Variants in RBM33 observed in about 807,000 individuals in gnomAD.
The protein encoded by RBM33 is RNA binding motif protein 33.
In RBM33, 28 loss-of-function variants were observed where a neutral mutation model predicts 132.6. That is an observed-to-expected ratio of 0.21 (90% CI 0.16 to 0.29). The LOEUF is 0.29. Ranked by LOEUF, RBM33 falls within the 10% of genes least tolerant of loss-of-function variation. The pLI is 1.00. For synonymous variants in RBM33, 634 were observed against 593.0 expected, an observed-to-expected ratio of 1.07 and a Z score of -1.01; for missense variants, 1,291 against 1,518.5, an observed-to-expected ratio of 0.85 and a Z score of 2.49.
At chr7:155,665,550 G>A (rs1419438173) in intron 2 of RBM33, among the ~76,000 whole-genome samples, 1 of 152,252 alleles carries the variant, frequency 6.6e-6, no homozygotes, top group Non-Finnish European at 1.5e-5. Flanking sequence ...CATTACTGGA[G>A]TGGCCTTGTG....
At chr7:155,702,315 T>C (rs1009326772) in intron 6 of RBM33, among the ~76,000 whole-genome samples, 1 of 152,236 alleles carries the variant, frequency 6.6e-6, no homozygotes, top group African/African-American at 2.4e-5. Context: ...CTTAATTTAC[T>C]AGGCAAGATT....
At chr7:155,667,352 A>G (rs1798827080) in intron 2 of RBM33, among the ~76,000 whole-genome samples, 1 of 151,980 alleles carries the variant, frequency 6.6e-6, no homozygotes, top group Non-Finnish European at 1.5e-5. Flanking sequence ...GGCTCAAGTG[A>G]TGCTCCTGCC....
At chr7:155,650,574 A>G (rs1490537187) in intron 1 of RBM33, among the ~76,000 whole-genome samples, 1 of 152,076 alleles carries the variant, frequency 6.6e-6, no homozygotes, top group Non-Finnish European at 1.5e-5. Flanking sequence ...TTGTGTGTAC[A>G]TTTGTGCTAT....
intron 5 of RBM33, among the ~76,000 whole-genome samples, chr7:155,696,256 G>A (rs1415453753): frequency 2.0e-5 from 3 of 152,146 alleles, no homozygotes; most frequent in Admixed American, 1.3e-4. Flanking sequence ...ATTGTGGAAC[G>A]GACTTGTGAA....
chr7:155,662,830 G>T (rs982343411), intron 1 of RBM33, among the ~76,000 whole-genome samples: 4 of 152,138 alleles, frequency 2.6e-5, no homozygotes, highest in Non-Finnish European at 5.9e-5. Context: ...TGGAAAATGC[G>T]GACGAGGTCC....
chr7:155,645,137 ACTT>A (rs796835657), intron 1 of RBM33: 120 of 458,568 alleles, frequency 2.6e-4, no homozygotes, highest in African/African-American at 2.3e-3. Flanking sequence ...TTACCTGTGA[ACTT>A]CTGTGTGTCC....
chr7:155,712,302 A>G (rs1245896967), intron 8 of RBM33, among the ~76,000 whole-genome samples: 1 of 152,226 alleles, frequency 6.6e-6, no homozygotes, highest in African/African-American at 2.4e-5. Context: ...AAGCTAGGAA[A>G]CGGTTTTTGA....
intron 8 of RBM33, among the ~76,000 whole-genome samples, chr7:155,714,838 C>A (rs4716547): frequency 0.037 from 5,689 of 152,214 alleles, 341 homozygotes; most frequent in African/African-American, 0.13. Context: ...TCCTGGGACC[C>A]TCCCATACGT....
chr7:155,720,294 TAC>T (rs1171333201), intron 9 of RBM33, among the ~76,000 whole-genome samples: 4 of 152,242 alleles, frequency 2.6e-5, no homozygotes, highest in Non-Finnish European at 4.4e-5. Flanking sequence ...GTGCTGATGT[TAC>T]AGTGAACTTG....
At chr7:155,659,535 C>T (rs1055724938) in intron 1 of RBM33, among the ~76,000 whole-genome samples, 1 of 151,462 alleles carries the variant, frequency 6.6e-6, no homozygotes, top group African/African-American at 2.4e-5. Context: ...TGAGATGATC[C>T]CATTGGAAGA....
chr7:155,653,125 C>T (rs1393321530), intron 1 of RBM33, among the ~76,000 whole-genome samples: 1 of 151,910 alleles, frequency 6.6e-6, no homozygotes, highest in Non-Finnish European at 1.5e-5. Flanking sequence ...GAGTTGCTTC[C>T]ACCTTTTGGT....
rs1401159028 is a variant in RBM33, at chr7:155,672,932, C to T, written c.171+17C>T. The T allele has an allele frequency of 2.0e-6, 3 of 1,511,140 alleles. No individual in the cohort carries two copies. The highest frequency in any genetic ancestry group is 4.9e-5 in the East Asian group (2 of 40,574). The allele number at this position is 1,511,140 out of a possible 1,614,324, so 93.6% of individuals were successfully genotyped here. ...GGCAAAAAGGTAAGAAGTTTATGTCCTTCTGAGATGAAATACTAGTCATTT... is the reference window on the plus strand; with the variant it reads ...GGCAAAAAGGTAAGAAGTTTATGTCTTTCTGAGATGAAATACTAGTCATTT... On this transcript the variant is annotated intron_variant, in intron 3 of 17. Coordinates refer to ENST00000401878, the MANE Select transcript of RBM33 (RefSeq NM_053043.3).
chr7:155,691,074 G>T (rs1438314329), intron 5 of RBM33, among the ~76,000 whole-genome samples: 1 of 152,238 alleles, frequency 6.6e-6, no homozygotes, highest in African/African-American at 2.4e-5. Context: ...TTCCAACTTG[G>T]TTCCATTCTC....
At chr7:155,666,250 C>G (rs1414294634) in intron 2 of RBM33, among the ~76,000 whole-genome samples, 3 of 152,144 alleles carry the variant, frequency 2.0e-5, no homozygotes, top group Admixed American at 6.5e-5. Flanking sequence ...CATGGAAGTC[C>G]CTATCTGAGC....
At chr7:155,658,129 A>G (rs568046674) in intron 1 of RBM33, among the ~76,000 whole-genome samples, 1 of 152,206 alleles carries the variant, frequency 6.6e-6, no homozygotes, top group South Asian at 2.1e-4. Context: ...TGCTACATCA[A>G]TTTTGGTGTT....
At chr7:155,699,792 TTTG>T (rs1158121638) in intron 5 of RBM33, among the ~76,000 whole-genome samples, 21 of 152,310 alleles carry the variant, frequency 1.4e-4, no homozygotes, top group African/African-American at 4.8e-4. Flanking sequence ...GTGTCATTGG[TTTG>T]TTTTCATTTT....
intron 1 of RBM33, among the ~76,000 whole-genome samples, chr7:155,659,983 C>A (rs1181962639): frequency 6.6e-6 from 1 of 152,236 alleles, no homozygotes; most frequent in Non-Finnish European, 1.5e-5. Flanking sequence ...AAATCTCCCT[C>A]TCCTTATGTA....
intron 14 of RBM33, among the ~76,000 whole-genome samples, chr7:155,746,842 G>A (rs1277299595): frequency 2.0e-5 from 3 of 152,140 alleles, no homozygotes; most frequent in East Asian, 1.9e-4. Context: ...AGCTAGCAAC[G>A]ATTGCTTTAA....
intron 16 of RBM33, among the ~76,000 whole-genome samples, chr7:155,771,704 CATG>C (rs1802431137): frequency 6.6e-6 from 1 of 152,114 alleles, no homozygotes; most frequent in African/African-American, 2.4e-5. Context: ...AAAAGAACTG[CATG>C]ATATTTTCTT....
Sources: gnomAD v4.1 joint callset for allele counts (sites outside exome capture counted in the v4.1 genomes callset) on GRCh38, gnomAD v4.1.1 for gene constraint, MANE v1.5 for transcripts, NCBI Gene and HGNC (gene_info 2026-07-23, HGNC 2026-07-21) for gene names.